TENM3: variants seen among roughly 807,000 people sequenced by gnomAD.
TENM3 encodes teneurin-3.
Under a neutral mutation model 255.1 loss-of-function variants are expected in TENM3, and 63 were observed. The ratio of observed to expected loss-of-function variants is 0.25; its 90% CI spans 0.20 to 0.30. The LOEUF is 0.30. TENM3 is among the 10% of genes least tolerant of loss of function. The probability of loss-of-function intolerance (pLI) is 1.00; values close to 1 mark genes in which losing one functional copy is unlikely to be tolerated. For missense variants in TENM3, 2,929 were observed against 3,461.1 expected, an observed-to-expected ratio of 0.85 and a Z score of 3.86; for synonymous variants, 1,306 against 1,322.3, an observed-to-expected ratio of 0.99 and a Z score of 0.27.
At chr4:182,357,075 C>G (rs1765602619) in intron 3 of TENM3, among the ~76,000 whole-genome samples, 2 of 152,084 alleles carry the variant, frequency 1.3e-5, no homozygotes, top group South Asian at 2.1e-4. Flanking sequence ...GCATAGTATT[C>G]CATGGTGTAT....
At chr4:181,738,338 A>G in the TENM3 span, among the ~76,000 whole-genome samples, 1 of 152,188 alleles carries the variant, frequency 6.6e-6, no homozygotes, top group Non-Finnish European at 1.5e-5. Flanking sequence ...ACAGTGGAAC[A>G]CACGTTCTGT....
the TENM3 span, among the ~76,000 whole-genome samples, chr4:182,101,623 G>A: frequency 0.12 from 18,937 of 152,054 alleles, 1,212 homozygotes; most frequent in Middle Eastern, 0.25. Context: ...GGGGATGATG[G>A]GCAGGGCGGT....
At chr4:181,716,888 C>T in the TENM3 span, among the ~76,000 whole-genome samples, 18 of 152,102 alleles carry the variant, frequency 1.2e-4, no homozygotes, top group Non-Finnish European at 2.4e-4. Context: ...CCTCTGGGTC[C>T]GCTCCCCCAA....
chr4:182,511,564 T>C (rs990157791), intron 3 of TENM3, among the ~76,000 whole-genome samples: 2 of 152,218 alleles, frequency 1.3e-5, no homozygotes, highest in East Asian at 1.9e-4. Flanking sequence ...TGAAGAGAAC[T>C]TCAGTGTAAA....
At chr4:182,745,701 G>A (rs1221106462) in intron 19 of TENM3, among the ~76,000 whole-genome samples, 4 of 151,950 alleles carry the variant, frequency 2.6e-5, no homozygotes, top group Non-Finnish European at 4.4e-5. Flanking sequence ...CACACAGCCG[G>A]TTTTTCTGTG....
chr4:181,641,550 G>GTATATATATATATATATATA, the TENM3 span, among the ~76,000 whole-genome samples: 2 of 49,038 alleles, frequency 4.1e-5, no homozygotes, highest in African/African-American at 2.2e-4. Context: ...TCCATGGTGT[G>GTATATATATATATATATATA]TGTGTATATA....
At chr4:182,472,055 A>T (rs1733177530) in intron 3 of TENM3, among the ~76,000 whole-genome samples, 3 of 152,072 alleles carry the variant, frequency 2.0e-5, no homozygotes, top group Admixed American at 2.0e-4. Flanking sequence ...ATTTCAAGGG[A>T]TTTTTGTCTT....
the TENM3 span, among the ~76,000 whole-genome samples, chr4:181,724,048 C>T: frequency 5.8e-4 from 89 of 152,306 alleles, no homozygotes; most frequent in African/African-American, 1.9e-3. Context: ...CCTATAAAAG[C>T]TCAGAGTCAT....
chr4:182,494,066 C>T (rs1276763217), intron 3 of TENM3, among the ~76,000 whole-genome samples: 7 of 152,038 alleles, frequency 4.6e-5, no homozygotes, highest in African/African-American at 1.7e-4. Context: ...TGCTGATTTG[C>T]AGATGGGTTT....
At chr4:181,695,968 A>C in the TENM3 span, among the ~76,000 whole-genome samples, 1 of 152,012 alleles carries the variant, frequency 6.6e-6, no homozygotes, top group Non-Finnish European at 1.5e-5. Context: ...ACTTCCATGC[A>C]AGTCAGAATA....
chr4:181,728,886 G>A, the TENM3 span, among the ~76,000 whole-genome samples: 2 of 152,002 alleles, frequency 1.3e-5, no homozygotes, highest in Admixed American at 6.6e-5. Context: ...CTAGATGAGT[G>A]TGAAATTTTT....
the TENM3 span, among the ~76,000 whole-genome samples, chr4:181,508,620 T>C: frequency 6.6e-6 from 1 of 152,158 alleles, no homozygotes; most frequent in Non-Finnish European, 1.5e-5. Context: ...TGCTGAACTG[T>C]CCGTCGGCTC....
chr4:182,249,656 T>C (rs1757866222), intron 1 of TENM3, among the ~76,000 whole-genome samples: 1 of 152,088 alleles, frequency 6.6e-6, no homozygotes, highest in African/African-American at 2.4e-5. Flanking sequence ...GTGGTGGTGG[T>C]GGGGGTTGGG....
chr4:181,660,168 C>T, the TENM3 span, among the ~76,000 whole-genome samples: 2 of 152,108 alleles, frequency 1.3e-5, no homozygotes, highest in Non-Finnish European at 2.9e-5. Flanking sequence ...ACTGGGAACA[C>T]CATTGTGGGG....
chr4:182,801,547 C>T lies in TENM3; in HGVS notation c.*1196C>T, dbSNP rs1766970050. ...TTTTTACTGTTACTGTTCCAAAGCT[C>T]TGTCTCTTGATGGAGGAGAGACCAC... On this transcript the variant is annotated 3_prime_UTR_variant, in exon 28 of 28. Transcript: ENST00000511685. 1 of 152,224 alleles carries T rather than the reference C, an allele frequency of 6.6e-6. No individual in the cohort carries two copies. Among genetic ancestry groups the T allele is most frequent in the Non-Finnish European group, 1.5e-5 (1 of 68,050 alleles). The allele number at this position is 152,224 out of a possible 1,614,324, so 9.4% of individuals were successfully genotyped here.
the TENM3 span, among the ~76,000 whole-genome samples, chr4:181,814,035 CAA>C: frequency 1.3e-5 from 2 of 151,948 alleles, no homozygotes; most frequent in South Asian, 4.2e-4. Context: ...ACAAAGGGAA[CAA>C]AGTCAAGTAT....
chr4:182,058,164 T>TA, the TENM3 span, among the ~76,000 whole-genome samples: 42 of 109,618 alleles, frequency 3.8e-4, no homozygotes, highest in African/African-American at 1.1e-3. Context: ...ATATTTGGGG[T>TA]GGGGGGGGGC....
chr4:182,212,162 AT>A (rs1377542493), intron 1 of TENM3, among the ~76,000 whole-genome samples: 1 of 152,176 alleles, frequency 6.6e-6, no homozygotes, highest in African/African-American at 2.4e-5. Context: ...CTTTCCTATA[AT>A]TTATAAAAGG....
chr4:181,514,412 G>A, the TENM3 span, among the ~76,000 whole-genome samples: 3 of 152,144 alleles, frequency 2.0e-5, no homozygotes, highest in Non-Finnish European at 2.9e-5. Flanking sequence ...CTTCAACTCA[G>A]TCTAATCTGT....
Sources: allele counts gnomAD v4.1 joint callset (sites outside exome capture counted in the v4.1 genomes callset), GRCh38; gene constraint gnomAD v4.1.1; transcripts MANE v1.5; gene names NCBI Gene and HGNC (gene_info 2026-07-23, HGNC 2026-07-21).